SEC16A: variants seen among roughly 807,000 people sequenced by gnomAD.
SEC16A encodes SEC16 homolog A, endoplasmic reticulum export factor, also known as protein transport protein Sec16A.
A neutral mutation model predicts 221.9 loss-of-function variants in SEC16A; 110 were observed. The ratio of observed to expected loss-of-function variants is 0.50; its 90% confidence interval spans 0.42 to 0.58. The LOEUF (loss-of-function observed/expected upper bound fraction) is 0.58. Among genes scored for constraint, SEC16A ranks in the 20% least tolerant of loss-of-function variants. The probability of loss-of-function intolerance (pLI) is 0.00; values close to 1 mark genes in which losing one functional copy is unlikely to be tolerated. For missense variants in SEC16A, 3,165 were observed against 3,097.8 expected (o/e 1.02, Z -0.52); for synonymous variants, 1,393 against 1,257.7 (o/e 1.11, Z -2.28).
chr9:136,484,591 G>C (rs1383333046), upstream of SEC16A: 1 of 1,348,344 alleles, frequency 7.4e-7, no homozygotes. Context: ...TCCCAGCAGC[G>C]GCTGAGGTCC....
chr9:136,455,469 G>A (rs981126467), intron 20 of SEC16A, 132 bp downstream of exon 20: 1 of 826,586 alleles, frequency 1.2e-6, no homozygotes, highest in Non-Finnish European at 1.8e-6. Context: ...CAACCACCGA[G>A]GTGGTGTGAG....
chr9:136,457,468 CG>C lies in SEC16A; in HGVS notation c.5525del (p.Pro1842ArgfsTer3). On this transcript the variant is annotated frameshift_variant, in exon 18 of 32. Coordinates refer to ENST00000684901, the MANE Select transcript of SEC16A (RefSeq NM_014866.2). LOFTEE classifies it high-confidence loss of function. ...SILTQPHLYS[P>X]VLISQLVQMA... ...CCTGCACAAGCTGGCTGATCAACAC[CG>C]GGGAATACAGGTGCGGCTGCGTCAG... 6.2e-7 allele frequency: 1 copy of C among 1,606,882 alleles called. No individual in the cohort carries two copies. Among genetic ancestry groups the C allele is most frequent in the East Asian group, 2.2e-5 (1 of 44,502 alleles).
intron 14 of SEC16A, 26 bp downstream of exon 14, chr9:136,460,016 G>A (rs1839257466): frequency 6.3e-7 from 1 of 1,581,768 alleles, no homozygotes; most frequent in South Asian, 1.1e-5. Flanking sequence ...TGGAGCCTGT[G>A]CAAGCCACCA....
upstream of SEC16A, chr9:136,484,298 C>T (rs978683408): frequency 9.8e-7 from 1 of 1,024,456 alleles, no homozygotes; most frequent in African/African-American, 1.7e-5. Flanking sequence ...AGGGGTGAGG[C>T]GGGTAGGCGC....
chr9:136,480,734 C>CA (rs1842211822), intron 1 of SEC16A, among the ~76,000 whole-genome samples: 2 of 151,946 alleles, frequency 1.3e-5, no homozygotes, highest in African/African-American at 4.8e-5. Flanking sequence ...TACTAAAATA[C>CA]AAAAAATTAG....
Position 136,447,818 on chromosome 9 carries a change from C to T in SEC16A, c.6447+35G>A. The stretch of plus-strand genomic sequence containing the variant: ...CATGAGGCTGTTCCCTCCACTCACA[C>T]CTCACACCCAACAGGAACTAGAATG... On this transcript the variant is annotated intron_variant, in intron 25 of 31. Transcript: ENST00000684901. This position sits in a 1 kb window ranked among gnomAD's most constrained non-coding sequence, Gnocchi z 5.5. 6.3e-7 allele frequency: 1 copy of T among 1,597,092 alleles called. No homozygotes were observed.
Position 136,453,974 on chromosome 9 carries a change from G to A in SEC16A, c.6076+135C>T. 13 of 842,252 alleles carry A rather than the reference G, an allele frequency of 1.5e-5. No individual in the cohort carries two copies. The South Asian group carries it at 1.6e-4, about 11-fold the overall frequency. 52.2% of individuals were successfully genotyped at this position (842,252 alleles called of 1,614,324 possible). ...GAACCCATCCAGTCTGTAACTTCCA[G>A]AATTTCTGGTCTACGTTAAGACAAG... is the stretch of plus-strand genomic sequence containing the variant. On this transcript the variant is annotated intron_variant, in intron 21 of 31. Coordinates refer to ENST00000684901, the MANE Select transcript of SEC16A (RefSeq NM_014866.2).
At chr9:136,482,147 A>C (rs7034337) in intron 1 of SEC16A, among the ~76,000 whole-genome samples, 150,146 of 152,322 alleles carry the variant, frequency 0.99, 74,017 homozygotes, top group East Asian at 1. Flanking sequence ...AGCACCTGAA[A>C]CTTAAGAAAG....
chr9:136,454,063 A>AC (rs1188342093), intron 21 of SEC16A, 46 bp downstream of exon 21: 1 of 1,481,922 alleles, frequency 6.7e-7, no homozygotes. Context: ...CAAACACCAC[A>AC]CCCCATGCTG....
At chr9:136,483,589 C>T (rs1276940548), upstream of SEC16A, 2 of 985,286 alleles carry the variant, frequency 2.0e-6, no homozygotes, top group African/African-American at 1.7e-5. Flanking sequence ...TACGCTGGCT[C>T]TTTCTCCCAG....
Position 136,474,404 on chromosome 9 carries a change from G to T in SEC16A, c.3212C>A (p.Pro1071Gln), listed in dbSNP as rs748839439. 38 of 1,612,628 alleles carry T rather than the reference G, an allele frequency of 2.4e-5. No individual in the cohort carries two copies. The South Asian group carries it at 2.9e-4, about 12-fold the overall frequency. ...LVPPQQQASP[P>Q]QLPKAMFSEL... is the part of the protein sequence containing the mutation. ...CGAAAACATGGCTTTGGGTAGTTGTGGGGGAGAAGCCTGTTGCTGGGGTGG... is the reference window on the plus strand; with the variant it reads ...CGAAAACATGGCTTTGGGTAGTTGTTGGGGAGAAGCCTGTTGCTGGGGTGG... Residue 1071 changes from proline to glutamine, a missense_variant, in exon 3 of 32, where the codon CCA becomes CAA. Pro to Gln is a moderately conservative substitution (Grantham distance 76). Transcript: ENST00000684901.
intron 1 of SEC16A, among the ~76,000 whole-genome samples, chr9:136,479,422 G>A (rs1412186417): frequency 6.6e-6 from 1 of 151,806 alleles, no homozygotes; most frequent in Non-Finnish European, 1.5e-5. Context: ...GTGCGATCTC[G>A]GCTCACTGCA....
rs765265061 is a variant in SEC16A, at chr9:136,477,396, T to C, written c.220A>G (p.Ser74Gly). 1.9e-6 allele frequency: 3 copies of C among 1,614,042 alleles called. No individual in the cohort carries two copies. Among genetic ancestry groups the C allele is most frequent in the South Asian group, 1.1e-5 (1 of 91,090 alleles). Residue 74 changes from serine to glycine, a missense_variant, in exon 3 of 32, where the codon AGT (serine) becomes GGT (glycine). This residue lies in a region of SEC16A where 2,030 missense variants were observed against 1,923.1 expected (regional missense o/e 1.06). Transcript: ENST00000684901. ...GCTGGGCCTTGCAAGACAGGTGGAC[T>C]GCTTTTGGACGAACTGCCCAGTGGT... is the stretch of plus-strand genomic sequence containing the variant. ...STPLGSSSKS[S>G]PPVLQGPAPA...
rs573309151 is a variant in SEC16A at position 136,453,630 on chromosome 9, T to C, written c.6077-120A>G. 9 of 750,240 alleles carry C rather than the reference T, an allele frequency of 1.2e-5. No individual in the cohort carries two copies. The East Asian group carries it at 2.2e-4, about 19-fold the overall frequency. 46.5% of individuals were successfully genotyped at this position (750,240 alleles called of 1,614,324 possible). A position where few individuals can be genotyped will look rare whatever the true frequency, so the allele number is the denominator to read the frequency against. On this transcript the variant is annotated intron_variant, in intron 21 of 31. Transcript: ENST00000684901. ...CAGCTACCGCCACACCAGCATGATC[T>C]GCAGAAACCAAGGCTGAACATCTTC...
upstream of SEC16A, chr9:136,484,379 G>A (rs1275648192): frequency 8.4e-7 from 1 of 1,188,028 alleles, no homozygotes; most frequent in Non-Finnish European, 1.1e-6. Context: ...GAACAGGTGG[G>A]CACTATCCTC....
chr9:136,484,180 G>T (rs545594678), upstream of SEC16A: 147 of 228,604 alleles, frequency 6.4e-4, no homozygotes, highest in Non-Finnish European at 1.0e-3. Context: ...TACTCGGTTC[G>T]TTCCCCCGGC....
In SEC16A at chr9:136,466,087, G is replaced by A. The variant is rs960694744; in HGVS notation, c.4178C>T (p.Pro1393Leu). The A allele has an allele frequency of 3.4e-5, 54 of 1,610,580 alleles. No individual in the cohort carries two copies. In the East Asian group the frequency reaches 4.9e-4, roughly 15 times the overall value. ...GCCGTGAAAGGAGCCTGGAGGAAGC[G>A]GGGCCTCGTAGGAACCGGCAGCCAC... The part of the protein sequence containing the change: ...HNVAAGSYEA[P>L]LPPGSFHGDF... Residue 1393 changes from proline (P) to leucine (L), a missense_variant, in exon 8 of 32, where the codon CCG becomes CTG. Coordinates refer to ENST00000684901, the MANE Select transcript of SEC16A (RefSeq NM_014866.2). The surrounding 1 kb of genome is among the most constrained non-coding windows in gnomAD (Gnocchi z 5.5).
upstream of SEC16A, chr9:136,483,760 A>T: frequency 1.0e-6 from 1 of 985,214 alleles, no homozygotes; most frequent in South Asian, 4.7e-5. Context: ...CGCTCCTCGC[A>T]TTCTTCCGTT....
Position 136,459,161 on chromosome 9 carries a change from G to A in SEC16A, c.5382C>T (p.Ala1794=), listed in dbSNP as rs376281052. 3.8e-5 allele frequency: 62 copies of A among 1,612,114 alleles called. No individual in the cohort carries two copies. The highest frequency in any genetic ancestry group is 4.5e-5 in the Non-Finnish European group (53 of 1,178,730). The stretch of plus-strand genomic sequence containing the variant: ...GGAAACTAGGCAGGGGGCAGGTCTC[G>A]GCACCCAGGGACTGGGCGTACTCAT... The part of the protein sequence containing the change: ...EAYEYAQSLG[A]ETCPLPSFQV... The change falls in exon 17 of 32, where the codon GCC becomes GCT. Residue 1794 remains alanine (A), a synonymous_variant. Transcript: ENST00000684901. This position sits in a 1 kb window ranked among gnomAD's most constrained non-coding sequence, Gnocchi z 6.1.
Sources: gnomAD v4.1 joint callset for allele counts (sites outside exome capture counted in the v4.1 genomes callset) on GRCh38, gnomAD v4.1.1 for gene constraint, gnomAD v4.1.1 regional missense constraint, Gnocchi (gnomAD v3.1) non-coding constraint, MANE v1.5 for transcripts, NCBI Gene and HGNC (gene_info 2026-07-23, HGNC 2026-07-21) for gene names.